The following CNOT6L variants were observed in gnomAD, a reference collection of about 807,000 sequenced individuals.
CNOT6L encodes the protein CCR4-NOT transcription complex subunit 6-like.
CNOT6L carries 7 observed loss-of-function variants against 64.0 expected under a neutral mutation model. That is an observed-to-expected ratio of 0.11 (90% CI 0.06 to 0.21). The LOEUF (loss-of-function observed/expected upper bound fraction) is 0.21. Among genes scored for constraint, CNOT6L ranks in the 10% least tolerant of loss-of-function variants. CNOT6L has a pLI of 1.00. For missense variants in CNOT6L, 245 were observed against 669.0 expected, an observed-to-expected ratio of 0.37 and a Z score of 6.99; for synonymous variants, 193 against 243.4, an observed-to-expected ratio of 0.79 and a Z score of 1.93.
At chr4:77,756,549 G>A (rs146955286) in intron 5 of CNOT6L, among the ~76,000 whole-genome samples, 191 of 152,310 alleles carry the variant, frequency 1.3e-3, no homozygotes, top group African/African-American at 4.4e-3. Flanking sequence ...CTCTGGCACT[G>A]ATTAGCTATG....
At position 77,800,268 on chromosome 4, in the gene CNOT6L, A is replaced by G. The variant is rs142648086; in HGVS notation, c.5+19036T>C. Among the ~76,000 whole-genome samples, 148 of 152,196 alleles carry G rather than the reference A, an allele frequency of 9.7e-4. 1 individual carries two copies. The highest frequency in any genetic ancestry group is 3.3e-3 in the African/African-American group (136 of 41,544). Reference sequence around the variant, plus strand: ...TATAATCCCAGCACTTTCGGAGGCCAAGGTGGGAGGACTGCTTGAGCCCAG... The same window carrying G: ...TATAATCCCAGCACTTTCGGAGGCCGAGGTGGGAGGACTGCTTGAGCCCAG... On this transcript the variant is annotated intron_variant, in intron 1 of 11. Coordinates refer to ENST00000504123, the MANE Select transcript of CNOT6L (RefSeq NM_144571.3).
chr4:77,713,437 AGAGAGG>A lies in CNOT6L; in HGVS notation c.*6988_*6993del. ...GCCTACAGGGGAAGGAAAGGGAGGG[AGAGAGG>A]GGAAGTACACAGGTGCAAGGAAACA... On this transcript the variant is annotated 3_prime_UTR_variant, in exon 12 of 12. Transcript: ENST00000504123. 6.6e-6 allele frequency: 1 copy of A among 152,616 alleles called. No homozygotes were observed. Among genetic ancestry groups the A allele is most frequent in the East Asian group, 1.9e-4 (1 of 5,184 alleles). The allele number at this position is 152,616 out of a possible 1,614,324, so 9.5% of individuals were successfully genotyped here.
intron 1 of CNOT6L, among the ~76,000 whole-genome samples, chr4:77,779,698 C>T (rs894071869): frequency 6.6e-6 from 1 of 152,170 alleles, no homozygotes; most frequent in African/African-American, 2.4e-5. Context: ...CAGTGGCTCA[C>T]GCCTTGTAAT....
chr4:77,776,836 T>C (rs1203888145), intron 1 of CNOT6L, among the ~76,000 whole-genome samples: 1 of 152,210 alleles, frequency 6.6e-6, no homozygotes, highest in African/African-American at 2.4e-5. Context: ...TTCAGGAGTA[T>C]CTAATAATCA....
At chr4:77,757,401 TAAG>T (rs1725694301) in intron 4 of CNOT6L, among the ~76,000 whole-genome samples, 1 of 152,052 alleles carries the variant, frequency 6.6e-6, no homozygotes, top group African/African-American at 2.4e-5. Context: ...GTATTTCAAG[TAAG>T]AAGAAAATGT....
chr4:77,742,033 G>T, intron 8 of CNOT6L, 108 bp downstream of exon 8: 3 of 1,011,556 alleles, frequency 3.0e-6, no homozygotes, highest in South Asian at 1.8e-5. Context: ...CATAATACTT[G>T]TTTTCTAGCT....
intron 1 of CNOT6L, among the ~76,000 whole-genome samples, chr4:77,796,277 C>T (rs1483059658): frequency 6.6e-6 from 1 of 152,104 alleles, no homozygotes; most frequent in African/African-American, 2.4e-5. Context: ...GGAGGATTTA[C>T]ACTATTGATA....
Position 77,758,164 on chromosome 4 carries a change from C to T in CNOT6L, c.401-1213G>A, listed in dbSNP as rs142997376. 7.9e-5 allele frequency among the ~76,000 whole-genome samples: 12 copies of T among 152,124 alleles called. No individual in the cohort carries two copies. In the East Asian group the frequency reaches 1.7e-3, roughly 22 times the overall value. ...GAGAAGAGGAAACTTCCTAGGGTGACGGAAATATTCTATCTTGATTTAGGT... is the reference window on the plus strand; with the variant it reads ...GAGAAGAGGAAACTTCCTAGGGTGATGGAAATATTCTATCTTGATTTAGGT... On this transcript the variant is annotated intron_variant, in intron 4 of 11. Transcript: ENST00000504123.
intron 1 of CNOT6L, among the ~76,000 whole-genome samples, chr4:77,801,399 G>A (rs1731532058): frequency 6.6e-6 from 1 of 152,106 alleles, no homozygotes; most frequent in South Asian, 2.1e-4. Flanking sequence ...TCACAGAGGA[G>A]CTAATTTCCT....
intron 1 of CNOT6L, among the ~76,000 whole-genome samples, chr4:77,793,117 T>C (rs972178532): frequency 1.3e-5 from 2 of 151,904 alleles, no homozygotes; most frequent in Admixed American, 6.6e-5. Context: ...ATAGTATCCA[T>C]TGAAAAAAGC....
intron 1 of CNOT6L, among the ~76,000 whole-genome samples, chr4:77,804,537 T>C (rs928269394): frequency 1.3e-5 from 2 of 151,892 alleles, no homozygotes; most frequent in Non-Finnish European, 2.9e-5. Flanking sequence ...ATGATTCTAC[T>C]TATATTAAAT....
At chr4:77,731,256 A>G in intron 9 of CNOT6L, 131 bp downstream of exon 9, 1 of 752,382 alleles carries the variant, frequency 1.3e-6, no homozygotes, top group South Asian at 1.8e-5. Flanking sequence ...TTTCCTGCCC[A>G]TCTCCCTTAA....
chr4:77,765,306 T>G (rs1322530726), intron 4 of CNOT6L, among the ~76,000 whole-genome samples: 1 of 152,218 alleles, frequency 6.6e-6, no homozygotes, highest in African/African-American at 2.4e-5. Flanking sequence ...CCCTAAGGGC[T>G]GCTCTGCCTA....
chr4:77,806,387 T>C (rs1368945224), intron 1 of CNOT6L, among the ~76,000 whole-genome samples: 1 of 151,522 alleles, frequency 6.6e-6, no homozygotes, highest in Non-Finnish European at 1.5e-5. Flanking sequence ...ATCGTGCCAC[T>C]GCACTCCAGC....
intron 1 of CNOT6L, among the ~76,000 whole-genome samples, chr4:77,783,604 T>C (rs1293330464): frequency 6.6e-6 from 1 of 152,140 alleles, no homozygotes; most frequent in Non-Finnish European, 1.5e-5. Context: ...ACCTCTGGCA[T>C]GGTCAAGAAT....
At chr4:77,816,383 G>GT (rs1415747130) in intron 1 of CNOT6L, among the ~76,000 whole-genome samples, 1 of 152,048 alleles carries the variant, frequency 6.6e-6, no homozygotes, top group East Asian at 1.9e-4. Context: ...GTATTAAAAA[G>GT]TATCATTTAT....
chr4:77,737,403 G>GTT (rs1723076948), intron 8 of CNOT6L, among the ~76,000 whole-genome samples: 2 of 116,044 alleles, frequency 1.7e-5, no homozygotes, highest in African/African-American at 6.7e-5. Context: ...TATTTGTACC[G>GTT]TTCTTTTTTT....
At chr4:77,789,813 T>C (rs969380384) in intron 1 of CNOT6L, among the ~76,000 whole-genome samples, 1 of 151,904 alleles carries the variant, frequency 6.6e-6, no homozygotes, top group African/African-American at 2.4e-5. Flanking sequence ...TAGCTGGGCA[T>C]TGTGACATGT....
chr4:77,791,836 A>G (rs1034602172), intron 1 of CNOT6L, among the ~76,000 whole-genome samples: 39 of 152,276 alleles, frequency 2.6e-4, no homozygotes, highest in African/African-American at 9.1e-4. Context: ...CCTTGCATCT[A>G]AAGGAAACAC....
Sources: gnomAD v4.1 joint callset for allele counts (sites outside exome capture counted in the v4.1 genomes callset) on GRCh38, gnomAD v4.1.1 for gene constraint, MANE v1.5 for transcripts, NCBI Gene and HGNC (gene_info 2026-07-23, HGNC 2026-07-21) for gene names.